CDR2L: variants seen among roughly 807,000 people sequenced by gnomAD.
CDR2L encodes the protein cerebellar degeneration related protein 2 like.
Under a neutral mutation model 36.1 loss-of-function variants are expected in CDR2L, and 19 were observed. That is an observed-to-expected ratio of 0.53 (90% CI 0.37 to 0.77). The LOEUF (loss-of-function observed/expected upper bound fraction) is 0.77, where lower values mean the gene tolerates loss of function less well. Among genes scored for constraint, CDR2L ranks in the 30% least tolerant of loss-of-function variants. The probability of loss-of-function intolerance (pLI) is 0.00; values close to 1 mark genes in which losing one functional copy is unlikely to be tolerated. For missense variants in CDR2L, 575 were observed against 627.2 expected, an observed-to-expected ratio of 0.92 and a Z score of 0.89; for synonymous variants, 285 against 280.4, an observed-to-expected ratio of 1.02 and a Z score of -0.16.
intron 1 of CDR2L, among the ~76,000 whole-genome samples, chr17:74,997,921 A>T (rs535930409): frequency 7.9e-4 from 113 of 143,680 alleles, no homozygotes; most frequent in Middle Eastern, 3.5e-3. Context: ...TTAGAAGTTA[A>T]AAAAAAAAAA....
Position 75,003,883 on chromosome 17 carries a change from G to A in CDR2L, c.1207G>A (p.Gly403Arg). 2 of 1,604,056 alleles carry A rather than the reference G, an allele frequency of 1.2e-6. No individual in the cohort carries two copies. Among genetic ancestry groups the A allele is most frequent in the Non-Finnish European group, 1.7e-6 (2 of 1,175,702 alleles). ...SRDSSWRDLRGGEEGQGEVKA... is the reference protein window; with the variant it reads ...SRDSSWRDLRRGEEGQGEVKA... ...GGACAGCTCGTGGAGGGACCTGCGC[G>A]GGGGTGAGGAGGGCCAGGGTGAGGT... Residue 403 changes from glycine to arginine, a missense_variant, in exon 5 of 5, where the codon GGG (glycine) becomes AGG (arginine). Transcript: ENST00000337231.
In CDR2L at chr17:75,002,059, C is replaced by T. The variant is rs1567975648; in HGVS notation, c.342-5C>T. On this transcript the variant is annotated splice_region_variant and splice_polypyrimidine_tract_variant and intron_variant, in intron 3 of 4. Coordinates refer to ENST00000337231, the MANE Select transcript of CDR2L (RefSeq NM_014603.3). This position sits in a 1 kb window ranked among gnomAD's most constrained non-coding sequence, Gnocchi z 4.1. ...GTCCCTGTGTGTCCACCACCCCGCC[C>T]CCAGGCTGACGGAGACCATTGAGCG... 2 of 1,574,274 alleles carry T rather than the reference C, an allele frequency of 1.3e-6. No individual in the cohort carries two copies. The highest frequency in any genetic ancestry group is 1.7e-6 in the Non-Finnish European group (2 of 1,164,200).
chr17:74,998,382 T>A lies in CDR2L; in HGVS notation c.80-1122T>A, dbSNP rs80062676. ...TATTGCACCACCTTTCTTTTTTTTT[T>A]AATAGAGATGAGGTCTCACTATGTT... On this transcript the variant is annotated intron_variant, in intron 1 of 4. Coordinates refer to ENST00000337231, the MANE Select transcript of CDR2L (RefSeq NM_014603.3). Among the ~76,000 whole-genome samples, 18 of 137,794 alleles carry A rather than the reference T, an allele frequency of 1.3e-4. No homozygotes were observed. In the East Asian group the frequency reaches 2.6e-3, roughly 20 times the overall value. 90.4% of individuals were successfully genotyped at this position (137,794 alleles called of 152,430 possible).
Position 75,002,714 on chromosome 17 carries a change from G to A in CDR2L, c.507-469G>A, listed in dbSNP as rs117717532. On this transcript the variant is annotated intron_variant, in intron 4 of 4. Coordinates refer to ENST00000337231, the MANE Select transcript of CDR2L (RefSeq NM_014603.3). This position sits in a 1 kb window ranked among gnomAD's most constrained non-coding sequence, Gnocchi z 4.1. ...AGAAGTTAAATGAAGAAGAGGTGTG[G>A]GCAGGGGGTAGGGAAACCACAGGGA... 0.013 allele frequency among the ~76,000 whole-genome samples: 1,945 copies of A among 152,296 alleles called. 36 individuals are homozygous for A. The highest frequency in any genetic ancestry group is 0.085 in the Middle Eastern group (25 of 294).
chr17:74,989,410 A>ACACACACACACAC lies in CDR2L; in HGVS notation c.79+1288_79+1289insCACACACACACAC, dbSNP rs2039782466. 7.7e-6 allele frequency among the ~76,000 whole-genome samples: 1 copy of ACACACACACACAC among 130,682 alleles called. No individual in the cohort carries two copies. 85.7% of individuals were successfully genotyped at this position (130,682 alleles called of 152,430 possible). On this transcript the variant is annotated intron_variant, in intron 1 of 4. Coordinates refer to ENST00000337231, the MANE Select transcript of CDR2L (RefSeq NM_014603.3). This position sits in a 1 kb window ranked among gnomAD's most constrained non-coding sequence, Gnocchi z 4.2. ...CTGAAATGAGATACAGCTCCTCTCA[A>ACACACACACACAC]ACACACACACACACACACACACACA...
At chr17:74,988,435 G>C (rs1262610690) in intron 1 of CDR2L, among the ~76,000 whole-genome samples, 1 of 152,220 alleles carries the variant, frequency 6.6e-6, no homozygotes, top group Non-Finnish European at 1.5e-5. Context: ...GCCGCCCCTG[G>C]TATTGTTACG....
rs114615591 is a variant in CDR2L, at chr17:75,002,820, C to T, written c.507-363C>T. On this transcript the variant is annotated intron_variant, in intron 4 of 4. Transcript: ENST00000337231. The surrounding 1 kb of genome is among the most constrained non-coding windows in gnomAD (Gnocchi z 4.1). Reference sequence around the variant, plus strand: ...AAAGCGCAAGGGGGAAGGGAGGTTACCGGCACCTGGAAGGTATGGAGAAGG... The same window carrying T: ...AAAGCGCAAGGGGGAAGGGAGGTTATCGGCACCTGGAAGGTATGGAGAAGG... Among the ~76,000 whole-genome samples the T allele has an allele frequency of 6.6e-6, 1 of 152,130 alleles. No individual in the cohort carries two copies. The highest frequency in any genetic ancestry group is 1.5e-5 in the Non-Finnish European group (1 of 68,014).
rs774955091 is a variant in CDR2L at position 74,999,579 on chromosome 17, T to C, written c.155T>C (p.Met52Thr). The C allele has an allele frequency of 1.3e-6, 2 of 1,586,108 alleles. No homozygotes were observed. The highest frequency in any genetic ancestry group is 1.7e-6 in the Non-Finnish European group (2 of 1,166,560). The change falls in exon 2 of 5, where the codon ATG becomes ACG. Residue 52 changes from methionine (M) to threonine (T), a missense_variant. Physicochemically the swap from Met to Thr is moderately conservative, Grantham distance 81. Transcript: ENST00000337231. Reference protein sequence around the residue: ...NKELEGSLQQMYSTNEEQVQE... With the variant: ...NKELEGSLQQTYSTNEEQVQE... ...GAGCTGGAGGGGTCCCTGCAGCAGA[T>C]GTACTCCACCAATGAGGAACAGGTG...
chr17:74,987,978 G>A lies in CDR2L; in HGVS notation c.-66G>A, dbSNP rs2039773510. The A allele has an allele frequency of 9.8e-7, 1 of 1,017,276 alleles. No homozygotes were observed. Among genetic ancestry groups the A allele is most frequent in the Non-Finnish European group, 1.3e-6 (1 of 756,994 alleles). 63.0% of individuals were successfully genotyped at this position (1,017,276 alleles called of 1,614,324 possible). On this transcript the variant is annotated 5_prime_UTR_variant, in exon 1 of 5. Transcript: ENST00000337231. ...AGGCCCGGCCCGCCTCAGCCGCATTGTCCCGGGCCGCGCGCACCGGCCCTG... is the reference window on the plus strand; with the variant it reads ...AGGCCCGGCCCGCCTCAGCCGCATTATCCCGGGCCGCGCGCACCGGCCCTG...
In CDR2L at chr17:75,005,763, C is replaced by T. The variant is rs979349808; in HGVS notation, c.*1689C>T. 1 of 152,598 alleles carries T rather than the reference C, an allele frequency of 6.6e-6. No homozygotes were observed. The highest frequency in any genetic ancestry group is 1.5e-5 in the Non-Finnish European group (1 of 68,038). 9.5% of individuals were successfully genotyped at this position (152,598 alleles called of 1,614,324 possible). A position where few individuals can be genotyped will look rare whatever the true frequency, so the allele number is the denominator to read the frequency against. On this transcript the variant is annotated 3_prime_UTR_variant, in exon 5 of 5. Transcript: ENST00000337231. This position sits in a 1 kb window ranked among gnomAD's most constrained non-coding sequence, Gnocchi z 4.2. Reference sequence around the variant, plus strand: ...ATATTTACAAATGCTTTATTCTCTTCTTTAATAAAAAATGCACCAGTATTC... The same window carrying T: ...ATATTTACAAATGCTTTATTCTCTTTTTTAATAAAAAATGCACCAGTATTC...
At chr17:74,988,178 C>G in intron 1 of CDR2L, 56 bp downstream of exon 1, 1 of 1,296,288 alleles carries the variant, frequency 7.7e-7, no homozygotes, top group Non-Finnish European at 1.0e-6. Flanking sequence ...GACCCCTGTC[C>G]GCTTCTCCAT....
At chr17:74,996,082 T>G (rs2039823507) in intron 1 of CDR2L, among the ~76,000 whole-genome samples, 1 of 152,096 alleles carries the variant, frequency 6.6e-6, no homozygotes, top group African/African-American at 2.4e-5. Flanking sequence ...TTTTATTATA[T>G]TCACAAAGTT....
chr17:75,001,470 G>T lies in CDR2L; in HGVS notation c.322G>T (p.Ala108Ser). ...CAGGCTGGTGCTGGAGAGTAAGGCT[G>T]CCCAGCAGAAGATCCATGGGTGAGG... ...NHRLVLESKA[A>S]QQKIHGLTET... is the part of the protein sequence containing the mutation. Residue 108 changes from alanine to serine, a missense_variant, in exon 3 of 5, where the codon GCC becomes TCC. Coordinates refer to ENST00000337231, the MANE Select transcript of CDR2L (RefSeq NM_014603.3). 1.9e-6 allele frequency: 3 copies of T among 1,578,748 alleles called. No homozygotes were observed. Among genetic ancestry groups the T allele is most frequent in the Non-Finnish European group, 1.7e-6 (2 of 1,164,612 alleles).
At position 75,002,655 on chromosome 17, in the gene CDR2L, C is replaced by G. The variant is rs537510313; in HGVS notation, c.506+427C>G. Among the ~76,000 whole-genome samples the G allele has an allele frequency of 2.6e-5, 4 of 152,258 alleles. No homozygotes were observed. The South Asian group carries it at 8.3e-4, about 32-fold the overall frequency. ...TGTAGTGGGTGTTTCAATAAGGGTCCTGGCAGGAAACAGTCTCTTACACAG... is the reference window on the plus strand; with the variant it reads ...TGTAGTGGGTGTTTCAATAAGGGTCGTGGCAGGAAACAGTCTCTTACACAG... On this transcript the variant is annotated intron_variant, in intron 4 of 4. Transcript: ENST00000337231. The surrounding 1 kb of genome is among the most constrained non-coding windows in gnomAD (Gnocchi z 4.1).
intron 1 of CDR2L, among the ~76,000 whole-genome samples, chr17:74,991,031 G>A (rs1387646418): frequency 6.6e-6 from 1 of 152,220 alleles, no homozygotes; most frequent in Non-Finnish European, 1.5e-5. Context: ...CTGTCCTGGT[G>A]GAAAGCAGCC....
intron 1 of CDR2L, among the ~76,000 whole-genome samples, chr17:74,998,522 GA>G (rs61311045): frequency 1.5e-4 from 22 of 147,558 alleles, no homozygotes; most frequent in African/African-American, 2.5e-4. Context: ...TCCCTTAAAA[GA>G]AAAAAAAAAC....
chr17:75,003,046 G>A (rs1018250583), intron 4 of CDR2L, 137 bp from the exon 5 acceptor site: 8 of 915,654 alleles, frequency 8.7e-6, no homozygotes, highest in African/African-American at 1.7e-5. Context: ...GAGAGCCAAC[G>A]GAGAGGGGCA....
Position 75,003,699 on chromosome 17 carries a change from C to T in CDR2L, c.1023C>T (p.His341=). ...GGCACGCGGGCAACCTCACACTGCA[C>T]GCCAACAGCGTGCGCAAGCGGGGCA... is the stretch of plus-strand genomic sequence containing the variant. The part of the protein sequence containing the change: ...ASRHAGNLTL[H]ANSVRKRGMS... Residue 341 remains histidine, a synonymous_variant, in exon 5 of 5, where the codon CAC becomes CAT. Transcript: ENST00000337231. 3 of 1,464,674 alleles carry T rather than the reference C, an allele frequency of 2.0e-6. No individual in the cohort carries two copies. Among genetic ancestry groups the T allele is most frequent in the Non-Finnish European group, 2.7e-6 (3 of 1,107,034 alleles). The allele number at this position is 1,464,674 out of a possible 1,614,324, so 90.7% of individuals were successfully genotyped here.
chr17:75,001,973 C>A, intron 3 of CDR2L, 91 bp from the exon 4 acceptor site: 1 of 1,148,404 alleles, frequency 8.7e-7, no homozygotes, highest in Non-Finnish European at 1.2e-6. Flanking sequence ...TCCTACCCAA[C>A]GTCCCTCCAT....
Sources: allele counts gnomAD v4.1 joint callset (sites outside exome capture counted in the v4.1 genomes callset), GRCh38; gene constraint gnomAD v4.1.1; non-coding constraint Gnocchi (gnomAD v3.1); transcripts MANE v1.5; gene names NCBI Gene and HGNC (gene_info 2026-07-23, HGNC 2026-07-21).